The following ABL1 variants were observed in gnomAD, a reference collection of about 807,000 sequenced individuals.
The protein encoded by ABL1 is tyrosine-protein kinase ABL1.
In ABL1, 11 loss-of-function variants were observed where a neutral mutation model predicts 94.7. The ratio of observed to expected loss-of-function variants is 0.12; its 90% confidence interval spans 0.07 to 0.19. The LOEUF (loss-of-function observed/expected upper bound fraction) is 0.19. Among genes scored for constraint, ABL1 ranks in the 10% least tolerant of loss-of-function variants. The probability of loss-of-function intolerance (pLI) is 1.00; values close to 1 mark genes in which losing one functional copy is unlikely to be tolerated. For synonymous variants in ABL1, 656 were observed against 622.4 expected (o/e 1.05, Z -0.80); for missense variants, 1,082 against 1,489.4 (o/e 0.73, Z 4.50).
At chr9:130,746,638 TC>T (rs757855587) in intron 1 of ABL1, among the ~76,000 whole-genome samples, 1 of 151,906 alleles carries the variant, frequency 6.6e-6, no homozygotes, top group Non-Finnish European at 1.5e-5. Context: ...TGAGTAGTAT[TC>T]CATTGTATGA....
chr9:130,734,586 A>G (rs558820533), intron 1 of ABL1, among the ~76,000 whole-genome samples: 43 of 143,374 alleles, frequency 3.0e-4, no homozygotes, highest in Non-Finnish European at 5.1e-4. Flanking sequence ...CACTGGCATG[A>G]TCTTGGCTCA....
At chr9:130,851,356 A>T (rs976933120) in intron 1 of ABL1, among the ~76,000 whole-genome samples, 16 of 152,132 alleles carry the variant, frequency 1.1e-4, no homozygotes, top group African/African-American at 3.6e-4. Context: ...AAAATTACCA[A>T]ATATTGTAAT....
At chr9:130,715,718 G>A (rs1187442769) in intron 1 of ABL1, among the ~76,000 whole-genome samples, 1 of 152,152 alleles carries the variant, frequency 6.6e-6, no homozygotes, top group Non-Finnish European at 1.5e-5. Context: ...GAGCTTTGGC[G>A]GAACTTATCA....
chr9:130,838,152 A>T (rs1830616738), intron 1 of ABL1, among the ~76,000 whole-genome samples: 1 of 152,260 alleles, frequency 6.6e-6, no homozygotes, highest in Non-Finnish European at 1.5e-5. Flanking sequence ...GAGGAAACTG[A>T]GTCACCAAAA....
At chr9:130,746,131 T>C (rs1024297766) in intron 1 of ABL1, among the ~76,000 whole-genome samples, 1 of 152,136 alleles carries the variant, frequency 6.6e-6, no homozygotes, top group African/African-American at 2.4e-5. Flanking sequence ...AACGTCCCAC[T>C]GCTGCTTATT....
chr9:130,878,333 C>A, intron 7 of ABL1, 82 bp from the exon 8 acceptor site: 1 of 1,527,572 alleles, frequency 6.5e-7, no homozygotes, highest in South Asian at 1.2e-5. Flanking sequence ...CTGAGGTCTG[C>A]TGCAAAGGTA....
At chr9:130,800,170 C>G (rs1830036689) in intron 1 of ABL1, among the ~76,000 whole-genome samples, 1 of 152,138 alleles carries the variant, frequency 6.6e-6, no homozygotes. Flanking sequence ...CCGCACCCAA[C>G]TATAAAATGT....
intron 1 of ABL1, among the ~76,000 whole-genome samples, chr9:130,718,204 G>C (rs1831469483): frequency 1.3e-5 from 2 of 151,590 alleles, no homozygotes; most frequent in Non-Finnish European, 2.9e-5. Flanking sequence ...TGTAATCTCA[G>C]CTACTCAGGA....
Position 130,789,427 on chromosome 9 carries a change from A to T in ABL1, c.137-64637A>T, listed in dbSNP as rs927425923. On this transcript the variant is annotated intron_variant, in intron 1 of 10. Coordinates refer to the ABL1 transcript ENST00000372348. ...TGATTTAGAGTGGACCTAGGTTTTT[A>T]CCATCCCTGGGTGCTTGACAAAAGC... Among the ~76,000 whole-genome samples the T allele has an allele frequency of 2.6e-5, 4 of 152,254 alleles. No individual in the cohort carries two copies. The South Asian group carries it at 6.2e-4, about 24-fold the overall frequency.
chr9:130,738,622 T>C (rs899831372), intron 1 of ABL1, among the ~76,000 whole-genome samples: 4 of 152,376 alleles, frequency 2.6e-5, no homozygotes, highest in African/African-American at 9.6e-5. Flanking sequence ...AGCTACTGTC[T>C]ATTTGGAATT....
chr9:130,807,703 T>G (rs1400443876), intron 1 of ABL1, among the ~76,000 whole-genome samples: 8 of 137,372 alleles, frequency 5.8e-5, no homozygotes, highest in African/African-American at 1.9e-4. Flanking sequence ...TAGTTTTTTT[T>G]TTTTTTTTTT....
intron 3 of ABL1, among the ~76,000 whole-genome samples, chr9:130,855,940 G>A (rs576095486): frequency 2.6e-5 from 4 of 152,112 alleles, no homozygotes; most frequent in Admixed American, 1.3e-4. Context: ...TTTTGAGATG[G>A]AGTCTTGCCC....
Position 130,855,105 on chromosome 9 carries a change from C to G in ABL1, c.549+9C>G, listed in dbSNP as rs770185520. ...CTGCTTCTGATGGCAAGGTAGGGGA[C>G]CCTTGGCAGGGGGCGCTGATGGGCC... is the stretch of plus-strand genomic sequence containing the variant. On this transcript the variant is annotated intron_variant, in intron 3 of 10. Transcript: ENST00000318560. 1 of 1,608,742 alleles carries G rather than the reference C, an allele frequency of 6.2e-7. No homozygotes were observed. The highest frequency in any genetic ancestry group is 8.5e-7 in the Non-Finnish European group (1 of 1,176,196).
chr9:130,779,215 T>C (rs1259529471), intron 1 of ABL1, among the ~76,000 whole-genome samples: 2 of 152,152 alleles, frequency 1.3e-5, no homozygotes, highest in African/African-American at 2.4e-5. Flanking sequence ...CAATCTGGAG[T>C]CACAGAGTGG....
intron 4 of ABL1, among the ~76,000 whole-genome samples, chr9:130,869,034 G>A (rs1048718459): frequency 1.3e-5 from 2 of 152,054 alleles, no homozygotes; most frequent in Non-Finnish European, 2.9e-5. Flanking sequence ...GGGCGTGGTG[G>A]CAGGTGCCTG....
In ABL1 at chr9:130,871,104, C is replaced by G. The variant is rs1831244186; in HGVS notation, c.823-1025C>G. ...ACTCTCTGTTCCCCTGCAGTCTTTT[C>G]TCTCCAAACTCTGTTGAAACTTGGA... On this transcript the variant is annotated intron_variant, in intron 4 of 10. Transcript: ENST00000318560. 2.0e-5 allele frequency among the ~76,000 whole-genome samples: 3 copies of G among 152,250 alleles called. No individual in the cohort carries two copies. The South Asian group carries it at 6.2e-4, about 32-fold the overall frequency.
Position 130,885,281 on chromosome 9 carries a change from G to A in ABL1, c.2991G>A (p.Pro997=), listed in dbSNP as rs560942952. The stretch of plus-strand genomic sequence containing the variant: ...CCTCGGCCCTGGCAGGGGACCAGCC[G>A]TCTTCCACCGCCTTCATCCCTCTCA... ...SASSALAGDQ[P]SSTAFIPLIS... is the part of the protein sequence containing the mutation. The change falls in exon 11 of 11, where the codon CCG becomes CCA. Residue 997 remains proline, a synonymous_variant. Coordinates refer to ENST00000318560, the MANE Select transcript of ABL1 (RefSeq NM_005157.6). 70 of 1,613,802 alleles carry A rather than the reference G, an allele frequency of 4.3e-5. 1 individual carries two copies. Among genetic ancestry groups the A allele is most frequent in the South Asian group, 3.6e-4 (33 of 91,070 alleles).
rs560363125 is a variant in ABL1 at position 130,753,381 on chromosome 9, T to C, written c.136+38926T>C. Among the ~76,000 whole-genome samples, 4 of 152,134 alleles carry C rather than the reference T, an allele frequency of 2.6e-5. No homozygotes were observed. In the East Asian group the frequency reaches 5.8e-4, roughly 22 times the overall value. ...GTTTATCACAGTGGTGTTTACTGTC[T>C]TATACTTGCCTCTCTCTCATCTCTT... On this transcript the variant is annotated intron_variant, in intron 1 of 10. Coordinates refer to the ABL1 transcript ENST00000372348.
exon 1 of ABL1, chr9:130,714,258 C>G (rs1390873303): frequency 6.7e-7 from 1 of 1,499,132 alleles, no homozygotes; most frequent in African/African-American, 1.4e-5. Context: ...TCCCTCTACG[C>G]TCGCTGACCG....
Sources: allele counts gnomAD v4.1 joint callset (sites outside exome capture counted in the v4.1 genomes callset), GRCh38; gene constraint gnomAD v4.1.1; transcripts MANE v1.5; gene names NCBI Gene and HGNC (gene_info 2026-07-23, HGNC 2026-07-21).